Variants in ULK4 observed in about 807,000 individuals in gnomAD.
The protein encoded by ULK4 is unc-51 like kinase 4.
In ULK4, 133 loss-of-function variants were observed where a neutral mutation model predicts 160.6. The ratio of observed to expected loss-of-function variants is 0.83; its 90% confidence interval spans 0.72 to 0.96. The LOEUF (loss-of-function observed/expected upper bound fraction) is 0.96. ULK4 is among the 40% of genes least tolerant of loss of function. The probability of loss-of-function intolerance (pLI) is 0.00; values close to 1 mark genes in which losing one functional copy is unlikely to be tolerated. For missense variants in ULK4, 1,580 were observed against 1,499.5 expected (o/e 1.05, Z -0.89); for synonymous variants, 534 against 539.8 (o/e 0.99, Z 0.15).
chr3:41,490,453 C>A (rs1005579320), intron 32 of ULK4, among the ~76,000 whole-genome samples: 1 of 152,162 alleles, frequency 6.6e-6, no homozygotes, highest in Non-Finnish European at 1.5e-5. Context: ...AACTGAAGTG[C>A]TCTTGCCTTC....
At chr3:41,386,944 A>G (rs532482819) in intron 35 of ULK4, among the ~76,000 whole-genome samples, 1 of 152,220 alleles carries the variant, frequency 6.6e-6, no homozygotes, top group Admixed American at 6.6e-5. Flanking sequence ...ATCAATACTA[A>G]TACTGAGGTC....
At chr3:41,369,610 T>C (rs1330027285) in intron 35 of ULK4, among the ~76,000 whole-genome samples, 2 of 151,716 alleles carry the variant, frequency 1.3e-5, no homozygotes, top group South Asian at 2.1e-4. Context: ...CTGGCCAACA[T>C]GGTGAAAACC....
Position 41,705,289 on chromosome 3 carries a change from A to G in ULK4, c.2651T>C (p.Val884Ala). The part of the protein sequence containing the change: ...YGTILSHIKS[V>A]DSGETNIDGA... ...ATCTATGTTCGTTTCTCCTGAGTCT[A>G]CAGATTTAATATGACTCTGAAAAAA... Residue 884 changes from valine (V) to alanine (A), a missense_variant, in exon 26 of 37, where the codon GTA (valine) becomes GCA (alanine). By Grantham distance (64) the Val-to-Ala change is moderately conservative. Transcript: ENST00000301831. 1 of 1,612,496 alleles carries G rather than the reference A, an allele frequency of 6.2e-7. No individual in the cohort carries two copies. The highest frequency in any genetic ancestry group is 1.1e-5 in the South Asian group (1 of 90,508).
chr3:41,852,056 T>G (rs1287401469), intron 17 of ULK4, among the ~76,000 whole-genome samples: 1 of 151,968 alleles, frequency 6.6e-6, no homozygotes, highest in Non-Finnish European at 1.5e-5. Context: ...AAAGGGGATA[T>G]CACCACCGAT....
intron 20 of ULK4, among the ~76,000 whole-genome samples, chr3:41,795,263 C>A (rs892670677): frequency 1.3e-5 from 2 of 152,094 alleles, no homozygotes; most frequent in African/African-American, 2.4e-5. Context: ...CGTGCAGGTG[C>A]AATTTTTTTT....
At chr3:41,610,454 A>G (rs2032617976) in intron 31 of ULK4, among the ~76,000 whole-genome samples, 1 of 152,234 alleles carries the variant, frequency 6.6e-6, no homozygotes, top group Non-Finnish European at 1.5e-5. Context: ...TCTAAGAACC[A>G]ATACATATTT....
chr3:41,927,402 T>G (rs1716985), intron 5 of ULK4, among the ~76,000 whole-genome samples: 103,684 of 151,976 alleles, frequency 0.68, 39,022 homozygotes, highest in East Asian at 0.83. Flanking sequence ...CATACCAAAT[T>G]GTAAAGACCA....
chr3:41,462,355 G>A (rs1258132712), intron 33 of ULK4, among the ~76,000 whole-genome samples: 1 of 152,116 alleles, frequency 6.6e-6, no homozygotes, highest in Non-Finnish European at 1.5e-5. Flanking sequence ...ATTGTATCAG[G>A]ATTTTAAATG....
chr3:41,943,819 C>T (rs1700035472), intron 2 of ULK4, among the ~76,000 whole-genome samples: 3 of 152,200 alleles, frequency 2.0e-5, no homozygotes, highest in Admixed American at 6.5e-5. Context: ...ACTTCACTTA[C>T]ATTATACAAC....
chr3:41,946,370 G>A (rs1399171433), intron 2 of ULK4, among the ~76,000 whole-genome samples: 2 of 152,192 alleles, frequency 1.3e-5, no homozygotes, highest in Admixed American at 1.3e-4. Flanking sequence ...TAAGAACAGT[G>A]CTGGGGGCAG....
At chr3:41,828,403 T>C (rs1413182885) in intron 18 of ULK4, among the ~76,000 whole-genome samples, 5 of 149,478 alleles carry the variant, frequency 3.3e-5, no homozygotes, top group South Asian at 2.1e-4. Flanking sequence ...GAAAACCCCA[T>C]TGTCTCAGCC....
chr3:41,796,802 C>A (rs1181290448), intron 20 of ULK4, among the ~76,000 whole-genome samples: 1 of 151,982 alleles, frequency 6.6e-6, no homozygotes, highest in Non-Finnish European at 1.5e-5. Context: ...CAAAGAGCAC[C>A]CAGATCTTCA....
At chr3:41,958,096 G>A (rs1452235755) in intron 1 of ULK4, among the ~76,000 whole-genome samples, 1 of 149,114 alleles carries the variant, frequency 6.7e-6, no homozygotes, top group African/African-American at 2.5e-5. Flanking sequence ...ATTACTGGTA[G>A]ATCATACCTC....
intron 3 of ULK4, chr3:41,937,222 A>G (rs1423892997): frequency 3.6e-6 from 2 of 562,554 alleles, no homozygotes; most frequent in East Asian, 2.9e-5. Flanking sequence ...TACAGTTAGG[A>G]TATTACATCT....
intron 17 of ULK4, among the ~76,000 whole-genome samples, chr3:41,849,812 A>T (rs1320801007): frequency 1.3e-5 from 2 of 152,122 alleles, no homozygotes; most frequent in Non-Finnish European, 2.9e-5. Flanking sequence ...ACATTTTTTT[A>T]AAGAATTTTT....
At chr3:41,302,103 C>T (rs1256489958) in intron 35 of ULK4, among the ~76,000 whole-genome samples, 1 of 152,032 alleles carries the variant, frequency 6.6e-6, no homozygotes, top group Non-Finnish European at 1.5e-5. Flanking sequence ...GTTTGGCAAA[C>T]AAAGAATTGA....
At chr3:41,548,791 C>T (rs1317758181) in intron 32 of ULK4, among the ~76,000 whole-genome samples, 1 of 151,980 alleles carries the variant, frequency 6.6e-6, no homozygotes, top group Non-Finnish European at 1.5e-5. Flanking sequence ...AGACAGGCAC[C>T]CTCAGGTCAC....
intron 31 of ULK4, among the ~76,000 whole-genome samples, chr3:41,582,507 G>T (rs2030449820): frequency 6.6e-6 from 1 of 152,182 alleles, no homozygotes; most frequent in Non-Finnish European, 1.5e-5. Flanking sequence ...AGAAGCAGAG[G>T]TACGTCAGCC....
chr3:41,383,486 C>T (rs1283767342), intron 35 of ULK4, among the ~76,000 whole-genome samples: 1 of 152,116 alleles, frequency 6.6e-6, no homozygotes, highest in East Asian at 1.9e-4. Context: ...AAGAGCATGA[C>T]ACTAAAGACA....
Sources: allele counts gnomAD v4.1 joint callset (sites outside exome capture counted in the v4.1 genomes callset), GRCh38; gene constraint gnomAD v4.1.1; transcripts MANE v1.5; gene names NCBI Gene and HGNC (gene_info 2026-07-23, HGNC 2026-07-21).